Variants in BUB1 observed in about 807,000 individuals in gnomAD.
BUB1 encodes the protein mitotic checkpoint serine/threonine-protein kinase BUB1.
A neutral mutation model predicts 135.2 loss-of-function variants in BUB1; 84 were observed. The ratio of observed to expected loss-of-function variants is 0.62; its 90% CI spans 0.52 to 0.74. The LOEUF (loss-of-function observed/expected upper bound fraction) is 0.74. Among genes scored for constraint, BUB1 ranks in the 30% least tolerant of loss-of-function variants. The pLI is 0.00. For synonymous variants in BUB1, 403 were observed against 434.4 expected (o/e 0.93, Z 0.90); for missense variants, 1,162 against 1,288.3 (o/e 0.90, Z 1.50).
chr2:110,644,935 A>C (rs1689604650), intron 19 of BUB1, among the ~76,000 whole-genome samples: 1 of 152,238 alleles, frequency 6.6e-6, no homozygotes, highest in East Asian at 1.9e-4. Context: ...TAATTAATAC[A>C]CTGAGAGGAG....
intron 15 of BUB1, 139 bp from the exon 16 acceptor site, chr2:110,656,055 C>T (rs1048154674): frequency 4.2e-6 from 3 of 706,164 alleles, no homozygotes; most frequent in Admixed American, 5.6e-5. Context: ...ATACAGCCCA[C>T]AATATCATGG....
At chr2:110,663,493 C>T (rs1479455304) in intron 9 of BUB1, among the ~76,000 whole-genome samples, 1 of 152,112 alleles carries the variant, frequency 6.6e-6, no homozygotes, top group Non-Finnish European at 1.5e-5. Flanking sequence ...TATCCTGATG[C>T]TATTCATACA....
chr2:110,657,049 G>T lies in BUB1; in HGVS notation c.1685C>A (p.Pro562His), dbSNP rs1268291400. The change falls in exon 15 of 25, where the codon CCT becomes CAT. Residue 562 changes from proline to histidine, a missense_variant. Coordinates refer to ENST00000302759, the MANE Select transcript of BUB1 (RefSeq NM_004336.5). Reference protein sequence around the residue: ...TFGERSVSRLPSKPKEEVPHA... With the variant: ...TFGERSVSRLHSKPKEEVPHA... Reference sequence around the variant, plus strand: ...AGGTTTGTTTACCTTTGGTTTTGAAGGAAGTCTGCTGACAGAGCGTTCTCC... The same window carrying T: ...AGGTTTGTTTACCTTTGGTTTTGAATGAAGTCTGCTGACAGAGCGTTCTCC... 21 of 1,612,248 alleles carry T rather than the reference G, an allele frequency of 1.3e-5. No homozygotes were observed. The highest frequency in any genetic ancestry group is 1.7e-5 in the Non-Finnish European group (20 of 1,179,032).
Position 110,642,208 on chromosome 2 carries a change from G to A in BUB1, c.2374C>T (p.Leu792Phe). 1.2e-6 allele frequency: 2 copies of A among 1,613,460 alleles called. No individual in the cohort carries two copies. Among genetic ancestry groups the A allele is most frequent in the Non-Finnish European group, 1.7e-6 (2 of 1,179,642 alleles). ...LGSKLVYVHH[L>F]LGEGAFAQVY... Reference sequence around the variant, plus strand: ...TGGGCAAAGGCTCCTTCTCCAAGAAGGTGATGGACATAGACCAGCTTAGAA... The same window carrying A: ...TGGGCAAAGGCTCCTTCTCCAAGAAAGTGATGGACATAGACCAGCTTAGAA... Residue 792 changes from leucine to phenylalanine, a missense_variant, in exon 20 of 25, where the codon CTT (leucine) becomes TTT (phenylalanine). Transcript: ENST00000302759.
chr2:110,639,898 A>G (rs1465720132), intron 23 of BUB1, 50 bp from the exon 24 acceptor site: 1 of 1,423,642 alleles, frequency 7.0e-7, no homozygotes, highest in Non-Finnish European at 9.9e-7. Flanking sequence ...TTTACACATG[A>G]CTATATCAAG....
intron 3 of BUB1, 57 bp downstream of exon 3, chr2:110,674,028 TA>T (rs1690503159): frequency 6.6e-6 from 9 of 1,364,594 alleles, no homozygotes; most frequent in Middle Eastern, 2.4e-4. Flanking sequence ...AATCTAAGTT[TA>T]AAAAGCAAAA....
At chr2:110,659,855 T>C (rs538850135) in intron 11 of BUB1, 123 bp downstream of exon 11, 7 of 606,096 alleles carry the variant, frequency 1.2e-5, no homozygotes, top group East Asian at 3.2e-5. Flanking sequence ...ACTCTAAGAA[T>C]AGGAAATCTA....
At chr2:110,661,910 A>T in intron 9 of BUB1, 69 bp from the exon 10 acceptor site, 1 of 1,540,296 alleles carries the variant, frequency 6.5e-7, no homozygotes, top group Non-Finnish European at 8.8e-7. Flanking sequence ...ATCAGGCATT[A>T]CATCTTCTCA....
intron 23 of BUB1, 78 bp downstream of exon 23, chr2:110,640,954 TAG>T: frequency 6.9e-7 from 1 of 1,447,432 alleles, no homozygotes; most frequent in East Asian, 2.4e-5. Flanking sequence ...TCAAACTACC[TAG>T]ATCCCCAAAT....
chr2:110,650,901 G>T, intron 17 of BUB1, 117 bp from the exon 18 acceptor site: 1 of 954,520 alleles, frequency 1.0e-6, no homozygotes, highest in Non-Finnish European at 1.6e-6. Context: ...TAGCCTCACA[G>T]ACTAAAAGTT....
rs1424917628 is a variant in BUB1, at chr2:110,658,471, A to G, written c.1455T>C (p.Asp485=). The G allele has an allele frequency of 6.2e-7, 1 of 1,614,084 alleles. No homozygotes were observed. The highest frequency in any genetic ancestry group is 2.2e-5 in the East Asian group (1 of 44,874). The change falls in exon 13 of 25, where the codon GAT becomes GAC. Residue 485 remains aspartate (D), a synonymous_variant. Coordinates refer to ENST00000302759, the MANE Select transcript of BUB1 (RefSeq NM_004336.5). ...CTAGAGATTGCCATTCATCTTTGTCATCAGAAATATCAGGAAGTGTAGGAG... is the reference window on the plus strand; with the variant it reads ...CTAGAGATTGCCATTCATCTTTGTCGTCAGAAATATCAGGAAGTGTAGGAG... ...FQAPTLPDIS[D]DKDEWQSLDQ...
intron 20 of BUB1, 114 bp downstream of exon 20, chr2:110,642,005 C>T: frequency 1.0e-6 from 1 of 993,926 alleles, no homozygotes; most frequent in Non-Finnish European, 1.5e-6. Context: ...TTTTTAATTG[C>T]CAACTGTAGA....
At position 110,641,839 on chromosome 2, in the gene BUB1, C is replaced by T. The variant is rs199546885; in HGVS notation, c.2464-36G>A. 339 of 1,583,714 alleles carry T rather than the reference C, an allele frequency of 2.1e-4. 1 individual carries two copies. In the Middle Eastern group the frequency reaches 7.1e-3, roughly 33 times the overall value. On this transcript the variant is annotated intron_variant, in intron 20 of 24. Coordinates refer to ENST00000302759, the MANE Select transcript of BUB1 (RefSeq NM_004336.5). The stretch of plus-strand genomic sequence containing the variant: ...GGTATGTGAAATTCATATCCAATCT[C>T]GTATTCTGAAAAATGATAGCAATAA...
In BUB1 at chr2:110,639,770, C is replaced by T; in HGVS notation, c.3034G>A (p.Glu1012Lys). The T allele has an allele frequency of 6.2e-7, 1 of 1,613,894 alleles. No individual in the cohort carries two copies. Among genetic ancestry groups the T allele is most frequent in the Non-Finnish European group, 8.5e-7 (1 of 1,179,892 alleles). ...TYMKVKNEGGECKPEGLFRRL... is the reference protein window; with the variant it reads ...TYMKVKNEGGKCKPEGLFRRL... ...CTAAAAAGACCTTCAGGCTTACACTCTCCTCCTTCATTTTTCACTTTCATG... is the reference window on the plus strand; with the variant it reads ...CTAAAAAGACCTTCAGGCTTACACTTTCCTCCTTCATTTTTCACTTTCATG... Residue 1012 changes from glutamate (E) to lysine (K), a missense_variant, in exon 24 of 25, where the codon GAG becomes AAG. Coordinates refer to ENST00000302759, the MANE Select transcript of BUB1 (RefSeq NM_004336.5).
At chr2:110,649,156 C>A (rs960730028) in intron 19 of BUB1, 78 bp downstream of exon 19, 61 of 1,421,946 alleles carry the variant, frequency 4.3e-5, no homozygotes, top group Non-Finnish European at 5.7e-5. Context: ...ATCACACACA[C>A]ACACACACAC....
intron 6 of BUB1, 35 bp from the exon 7 acceptor site, chr2:110,667,884 A>G (rs567553057): frequency 6.3e-7 from 1 of 1,597,466 alleles, no homozygotes; most frequent in Non-Finnish European, 8.5e-7. Context: ...GCATTCACTT[A>G]TCTGAGAAGA....
At chr2:110,638,628 C>G (rs945220172) in intron 24 of BUB1, among the ~76,000 whole-genome samples, 1 of 152,192 alleles carries the variant, frequency 6.6e-6, no homozygotes, top group African/African-American at 2.4e-5. Context: ...ACTGCAGAAA[C>G]TCCAGAACAT....
At position 110,669,528 on chromosome 2, in the gene BUB1, A is replaced by G. The variant is rs762651882; in HGVS notation, c.492T>C (p.Asn164=). Residue 164 remains asparagine (N), a synonymous_variant, in exon 6 of 25, where the codon AAT becomes AAC. Coordinates refer to ENST00000302759, the MANE Select transcript of BUB1 (RefSeq NM_004336.5). ...AQARTSEPLH[N]VQVLNQMITS... ...TTATCATTTGATTTAAAACCTGAAC[A>G]TTATGCAGAGGTTCTGAGGTTCTAG... 9.9e-6 allele frequency: 16 copies of G among 1,608,670 alleles called. No individual in the cohort carries two copies. The highest frequency in any genetic ancestry group is 1.7e-5 in the Admixed American group (1 of 60,024).
chr2:110,644,538 T>C (rs750598855), intron 19 of BUB1, among the ~76,000 whole-genome samples: 4 of 141,332 alleles, frequency 2.8e-5, no homozygotes, highest in Non-Finnish European at 4.6e-5. Context: ...AAATTAATGA[T>C]AGACACCAAA....
Sources: gnomAD v4.1 joint callset for allele counts (sites outside exome capture counted in the v4.1 genomes callset) on GRCh38, gnomAD v4.1.1 for gene constraint, MANE v1.5 for transcripts, NCBI Gene and HGNC (gene_info 2026-07-23, HGNC 2026-07-21) for gene names.